Variants in CCR2 observed in about 807,000 individuals in gnomAD.
CCR2 encodes C-C motif chemokine receptor 2.
For missense variants in CCR2, 408 were observed against 440.0 expected (o/e 0.93, Z 0.65); for synonymous variants, 183 against 177.1 (o/e 1.03, Z -0.27).
At chr3:46,357,371 G>C in intron 1 of CCR2, 106 bp from the exon 2 acceptor site, 1 of 734,934 alleles carries the variant, frequency 1.4e-6, no homozygotes, top group East Asian at 2.6e-5. Context: ...GGCTGCAAGG[G>C]AGAGGGCAAA....
In CCR2 at chr3:46,358,271, C is replaced by A; in HGVS notation, c.744C>A (p.Ile248=). Residue 248 remains isoleucine (I), a synonymous_variant, in exon 2 of 2, where the codon ATC becomes ATA. Coordinates refer to ENST00000445132, the MANE Select transcript of CCR2 (RefSeq NM_001123396.4). ...GGGCAGTGAGAGTCATCTTCACCAT[C>A]ATGATTGTTTACTTTCTCTTCTGGA... ...RHRAVRVIFT[I]MIVYFLFWTP... 6.2e-7 allele frequency: 1 copy of A among 1,614,174 alleles called. No individual in the cohort carries two copies. The highest frequency in any genetic ancestry group is 8.5e-7 in the Non-Finnish European group (1 of 1,180,022).
intron 1 of CCR2, among the ~76,000 whole-genome samples, chr3:46,357,041 C>G (rs1328320670): frequency 6.6e-6 from 1 of 152,182 alleles, no homozygotes; most frequent in Non-Finnish European, 1.5e-5. Flanking sequence ...GCACCATGCC[C>G]TCACTAGGCA....
At chr3:46,355,510 A>G (rs988962347) in intron 1 of CCR2, among the ~76,000 whole-genome samples, 2 of 152,230 alleles carry the variant, frequency 1.3e-5, no homozygotes, top group African/African-American at 4.8e-5. Flanking sequence ...GAAGCCCACC[A>G]CATATAAGTC....
In CCR2 at chr3:46,357,713, G is replaced by T; in HGVS notation, c.186G>T (p.Leu62=). Reference sequence around the variant, plus strand: ...TCTTTGGTTTTGTGGGCAACATGCTGGTCGTCCTCATCTTAATAAACTGCA... The same window carrying T: ...TCTTTGGTTTTGTGGGCAACATGCTTGTCGTCCTCATCTTAATAAACTGCA... The part of the protein sequence containing the change: ...VFIFGFVGNM[L]VVLILINCKK... The change falls in exon 2 of 2, where the codon CTG becomes CTT. Residue 62 remains leucine (L), a synonymous_variant. Transcript: ENST00000445132. 2 of 1,614,116 alleles carry T rather than the reference G, an allele frequency of 1.2e-6. No homozygotes were observed. Among genetic ancestry groups the T allele is most frequent in the Non-Finnish European group, 1.7e-6 (2 of 1,180,004 alleles).
intron 1 of CCR2, among the ~76,000 whole-genome samples, chr3:46,357,268 G>T (rs1701471111): frequency 6.6e-6 from 1 of 152,186 alleles, no homozygotes; most frequent in Non-Finnish European, 1.5e-5. Flanking sequence ...GAAGATAAAG[G>T]GTGTCGGAAA....
chr3:46,358,699 C>T lies in CCR2; in HGVS notation c.*89C>T. 2 of 1,476,932 alleles carry T rather than the reference C, an allele frequency of 1.4e-6. No homozygotes were observed. Among genetic ancestry groups the T allele is most frequent in the Non-Finnish European group, 9.0e-7 (1 of 1,113,164 alleles). The allele number at this position is 1,476,932 out of a possible 1,614,324, so 91.5% of individuals were successfully genotyped here. ...TCAAGGGTTTGTTGAACAATAGAAA[C>T]CTGTAAAGCAGGTGCCCAGGAACCT... On this transcript the variant is annotated 3_prime_UTR_variant, in exon 2 of 2. Transcript: ENST00000445132.
chr3:46,357,559 G>A lies in CCR2; in HGVS notation c.32G>A (p.Arg11Lys). 6.2e-7 allele frequency: 1 copy of A among 1,614,078 alleles called. No individual in the cohort carries two copies. The highest frequency in any genetic ancestry group is 8.5e-7 in the Non-Finnish European group (1 of 1,179,940). MLSTSRSRFI[R>K]NTNESGEEVT... Reference sequence around the variant, plus strand: ...TCCACATCTCGTTCTCGGTTTATCAGAAATACCAACGAGAGCGGTGAAGAA... The same window carrying A: ...TCCACATCTCGTTCTCGGTTTATCAAAAATACCAACGAGAGCGGTGAAGAA... The change falls in exon 2 of 2, where the codon AGA (arginine) becomes AAA (lysine). Residue 11 changes from arginine to lysine, a missense_variant. Physicochemically the swap from Arg to Lys is conservative, Grantham distance 26. Transcript: ENST00000445132.
In CCR2 at chr3:46,360,576, T is replaced by C. The variant is rs1701534260; in HGVS notation, c.*1966T>C. 6.6e-6 allele frequency: 1 copy of C among 152,254 alleles called. No individual in the cohort carries two copies. The highest frequency in any genetic ancestry group is 1.5e-5 in the Non-Finnish European group (1 of 68,056). 9.4% of individuals were successfully genotyped at this position (152,254 alleles called of 1,614,324 possible). A position where few individuals can be genotyped will look rare whatever the true frequency, so the allele number is the denominator to read the frequency against. ...AACCCTATTGGTAAAGAATGGAAGG[T>C]GGAGAAGCTCCCTGAAGTAAGCAAA... On this transcript the variant is annotated 3_prime_UTR_variant, in exon 2 of 2. Coordinates refer to ENST00000445132, the MANE Select transcript of CCR2 (RefSeq NM_001123396.4).
chr3:46,358,047 C>A lies in CCR2; in HGVS notation c.520C>A (p.Pro174Thr). The A allele has an allele frequency of 1.2e-6, 2 of 1,614,086 alleles. No individual in the cohort carries two copies. Among genetic ancestry groups the A allele is most frequent in the Non-Finnish European group, 1.7e-6 (2 of 1,179,994 alleles). Residue 174 changes from proline (P) to threonine (T), a missense_variant, in exon 2 of 2, where the codon CCA becomes ACA. By Grantham distance (38) the Pro-to-Thr change is conservative. Coordinates refer to ENST00000445132, the MANE Select transcript of CCR2 (RefSeq NM_001123396.4). Reference sequence around the variant, plus strand: ...GTTGGTGGCTGTGTTTGCTTCTGTCCCAGGAATCATCTTTACTAAATGCCA... The same window carrying A: ...GTTGGTGGCTGTGTTTGCTTCTGTCACAGGAATCATCTTTACTAAATGCCA... ...TWLVAVFASV[P>T]GIIFTKCQKE... is the part of the protein sequence containing the mutation.
intron 1 of CCR2, among the ~76,000 whole-genome samples, chr3:46,355,552 G>A (rs1701437164): frequency 6.6e-6 from 1 of 152,140 alleles, no homozygotes; most frequent in Non-Finnish European, 1.5e-5. Flanking sequence ...AGCTAAGAGT[G>A]ACTATTCAAT....
Position 46,360,039 on chromosome 3 carries a change from C to T in CCR2, c.*1429C>T, listed in dbSNP as rs887129801. On this transcript the variant is annotated 3_prime_UTR_variant, in exon 2 of 2. Coordinates refer to ENST00000445132, the MANE Select transcript of CCR2 (RefSeq NM_001123396.4). Reference sequence around the variant, plus strand: ...CCTTCCAGTTCCTCATTTTTGAATACAGGCATAGAGTTCAGACTTTTTTTA... The same window carrying T: ...CCTTCCAGTTCCTCATTTTTGAATATAGGCATAGAGTTCAGACTTTTTTTA... The T allele has an allele frequency of 2.3e-4, 133 of 587,588 alleles. No homozygotes were observed. Among genetic ancestry groups the T allele is most frequent in the African/African-American group, 1.6e-3 (83 of 52,800 alleles). 36.4% of individuals were successfully genotyped at this position (587,588 alleles called of 1,614,324 possible).
At chr3:46,355,051 A>C (rs182592871) in intron 1 of CCR2, 2 of 152,230 alleles carry the variant, frequency 1.3e-5, no homozygotes, top group Non-Finnish European at 2.9e-5. Flanking sequence ...TATTATAAAG[A>C]GTTTTATGTA....
rs374045702 is a variant in CCR2 at position 46,357,949 on chromosome 3, C to T, written c.422C>T (p.Ala141Val). The T allele has an allele frequency of 2.5e-6, 4 of 1,614,052 alleles. No individual in the cohort carries two copies. The highest frequency in any genetic ancestry group is 3.4e-6 in the Non-Finnish European group (4 of 1,180,024). ...CTCCTGACAATCGATAGATACCTGGCTATTGTCCATGCTGTGTTTGCTTTA... is the reference window on the plus strand; with the variant it reads ...CTCCTGACAATCGATAGATACCTGGTTATTGTCCATGCTGTGTTTGCTTTA... ...IILLTIDRYL[A>V]IVHAVFALKA... The change falls in exon 2 of 2, where the codon GCT (alanine) becomes GTT (valine). Residue 141 changes from alanine to valine, a missense_variant. Physicochemically the swap from Ala to Val is moderately conservative, Grantham distance 64. Coordinates refer to ENST00000445132, the MANE Select transcript of CCR2 (RefSeq NM_001123396.4).
rs1323765468 is a variant in CCR2, at chr3:46,360,928, G to GAT, written c.*2319_*2320dup. The GAT allele has an allele frequency of 6.6e-6, 1 of 152,232 alleles. No homozygotes were observed. Among genetic ancestry groups the GAT allele is most frequent in the East Asian group, 1.9e-4 (1 of 5,202 alleles). The allele number at this position is 152,232 out of a possible 1,614,324, so 9.4% of individuals were successfully genotyped here. A position where few individuals can be genotyped will look rare whatever the true frequency, so the allele number is the denominator to read the frequency against. The stretch of plus-strand genomic sequence containing the variant: ...CAATGCTATAACTATGTTGATAAAA[G>GAT]ATTTAAAAACAACTGGCTGTTTTTT... On this transcript the variant is annotated 3_prime_UTR_variant, in exon 2 of 2. Coordinates refer to ENST00000445132, the MANE Select transcript of CCR2 (RefSeq NM_001123396.4).
chr3:46,357,531 C>T lies in CCR2; in HGVS notation c.4C>T (p.Leu2=). 1 of 1,613,088 alleles carries T rather than the reference C, an allele frequency of 6.2e-7. No homozygotes were observed. The highest frequency in any genetic ancestry group is 8.5e-7 in the Non-Finnish European group (1 of 1,179,146). Residue 2 remains leucine, a synonymous_variant, in exon 2 of 2, where the codon CTG becomes TTG. Transcript: ENST00000445132. M[L]STSRSRFIRN... ...ATTTCCCCAGTACATCCACAACATGCTGTCCACATCTCGTTCTCGGTTTAT... is the reference window on the plus strand; with the variant it reads ...ATTTCCCCAGTACATCCACAACATGTTGTCCACATCTCGTTCTCGGTTTAT...
At chr3:46,357,064 A>G (rs1316246626) in intron 1 of CCR2, among the ~76,000 whole-genome samples, 1 of 152,200 alleles carries the variant, frequency 6.6e-6, no homozygotes, top group Non-Finnish European at 1.5e-5. Flanking sequence ...CTGCCAGAGC[A>G]GGAGGGGCAG....
At position 46,360,293 on chromosome 3, in the gene CCR2, C is replaced by T. The variant is rs1049213422; in HGVS notation, c.*1683C>T. The T allele has an allele frequency of 1.6e-5, 3 of 192,134 alleles. No individual in the cohort carries two copies. Among genetic ancestry groups the T allele is most frequent in the Non-Finnish European group, 3.2e-5 (3 of 94,354 alleles). The allele number at this position is 192,134 out of a possible 1,614,324, so 11.9% of individuals were successfully genotyped here. A position where few individuals can be genotyped will look rare whatever the true frequency, so the allele number is the denominator to read the frequency against. Reference sequence around the variant, plus strand: ...GTGTGTGATCTGTGGGCACATTAGCCTATGTGCATGCAGCATCTAAGTAAT... The same window carrying T: ...GTGTGTGATCTGTGGGCACATTAGCTTATGTGCATGCAGCATCTAAGTAAT... On this transcript the variant is annotated 3_prime_UTR_variant, in exon 2 of 2. Transcript: ENST00000445132.
intron 1 of CCR2, among the ~76,000 whole-genome samples, 154 bp from the exon 2 acceptor site, chr3:46,357,323 G>A (rs1701471871): frequency 1.3e-5 from 2 of 152,232 alleles, no homozygotes; most frequent in South Asian, 4.1e-4. Context: ...AGGAATGAAA[G>A]GCAAATCAGG....
Position 46,357,827 on chromosome 3 carries a change from C to T in CCR2, c.300C>T (p.His100=). 6.2e-7 allele frequency: 1 copy of T among 1,614,212 alleles called. No homozygotes were observed. ...LFLITLPLWA[H]SAANEWVFGN... is the part of the protein sequence containing the mutation. ...TTATTACTCTCCCATTGTGGGCTCA[C>T]TCTGCTGCAAATGAGTGGGTCTTTG... is the stretch of plus-strand genomic sequence containing the variant. The change falls in exon 2 of 2, where the codon CAC becomes CAT. Residue 100 remains histidine (H), a synonymous_variant. Coordinates refer to ENST00000445132, the MANE Select transcript of CCR2 (RefSeq NM_001123396.4).
Sources: allele counts gnomAD v4.1 joint callset (sites outside exome capture counted in the v4.1 genomes callset), GRCh38; gene constraint gnomAD v4.1.1; transcripts MANE v1.5; gene names NCBI Gene and HGNC (gene_info 2026-07-23, HGNC 2026-07-21).